The following PLCB1 variants were observed in gnomAD, a reference collection of about 807,000 sequenced individuals.
PLCB1 encodes 1-phosphatidylinositol 4,5-bisphosphate phosphodiesterase beta-1.
In PLCB1, 46 loss-of-function variants were observed where a neutral mutation model predicts 161.8. The observed-to-expected ratio is 0.28, with a 90% CI of 0.22 to 0.36. PLCB1 has a LOEUF of 0.36. Ranked by LOEUF, PLCB1 falls within the 10% of genes least tolerant of loss-of-function variation. The pLI is 1.00. For synonymous variants in PLCB1, 517 were observed against 503.7 expected (o/e 1.03, Z -0.35); for missense variants, 1,016 against 1,472.5 (o/e 0.69, Z 5.07).
chr20:8,732,905 A>G (rs955604342), intron 18 of PLCB1, among the ~76,000 whole-genome samples: 1 of 147,704 alleles, frequency 6.8e-6, no homozygotes, highest in African/African-American at 2.5e-5. Flanking sequence ...TATTATACAA[A>G]TATATTATTC....
At chr20:8,514,445 C>CA (rs752609524) in intron 3 of PLCB1, among the ~76,000 whole-genome samples, 10,622 of 78,032 alleles carry the variant, frequency 0.14, 542 homozygotes, top group Non-Finnish European at 0.17. Flanking sequence ...ACTCCATCTC[C>CA]AAAAAAAAAA....
intron 3 of PLCB1, among the ~76,000 whole-genome samples, chr20:8,375,745 C>G (rs997239233): frequency 6.6e-6 from 1 of 152,046 alleles, no homozygotes; most frequent in African/African-American, 2.4e-5. Flanking sequence ...CTGCTGGCAT[C>G]TCTACTTCCT....
intron 31 of PLCB1, among the ~76,000 whole-genome samples, chr20:8,831,902 CTCTTTCTTTCTCTTTCTTTCTT>C (rs1383509995): frequency 0.03 from 3,598 of 118,610 alleles, 304 homozygotes; most frequent in Admixed American, 0.088. Flanking sequence ...CTTTCTCCCT[CTCTTTCTTTCTCTTTCTTTCTT>C]TCTTTCTTTC....
At chr20:8,710,528 T>C (rs1310201840) in intron 12 of PLCB1, among the ~76,000 whole-genome samples, 2 of 141,108 alleles carry the variant, frequency 1.4e-5, no homozygotes, top group South Asian at 2.3e-4. Context: ...TTTTTTTTTT[T>C]TCTGAAGCGG....
chr20:8,724,146 C>T (rs1979801642), intron 15 of PLCB1, among the ~76,000 whole-genome samples: 1 of 139,750 alleles, frequency 7.2e-6, no homozygotes, highest in South Asian at 2.4e-4. Flanking sequence ...ATAATCTGCA[C>T]AACAAACCCC....
chr20:8,352,390 G>T (rs981313518), intron 2 of PLCB1, among the ~76,000 whole-genome samples: 1 of 151,988 alleles, frequency 6.6e-6, no homozygotes, highest in Non-Finnish European at 1.5e-5. Context: ...CTTTTGTATG[G>T]TGCTGTAATG....
Position 8,681,119 on chromosome 20 carries a change from T to TATATATATATATATATAA in PLCB1, c.863-3812_863-3811insTATATATATATATATAAA, listed in dbSNP as rs1485697576. Among the ~76,000 whole-genome samples the TATATATATATATATATAA allele has an allele frequency of 9.6e-3, 782 of 81,418 alleles. 9 individuals are homozygous for TATATATATATATATATAA. The highest frequency in any genetic ancestry group is 0.012 in the Middle Eastern group (2 of 170). The allele number at this position is 81,418 out of a possible 152,430, so 53.4% of individuals were successfully genotyped here. Reference sequence around the variant, plus strand: ...ATATATATATATATATATATATATATAATATATATAAAATCAGTGTCTCAT... The same window carrying TATATATATATATATATAA: ...ATATATATATATATATATATATATATATATATATATATATATAAAATATATATAAAATCAGTGTCTCAT... On this transcript the variant is annotated intron_variant, in intron 9 of 31. Coordinates refer to ENST00000338037, the MANE Select transcript of PLCB1 (RefSeq NM_015192.4).
intron 10 of PLCB1, among the ~76,000 whole-genome samples, chr20:8,690,396 T>C (rs1990449763): frequency 6.6e-6 from 1 of 152,060 alleles, no homozygotes; most frequent in African/African-American, 2.4e-5. Flanking sequence ...TTTTCAAGGA[T>C]AGTTAGGCAG....
chr20:8,435,234 T>C (rs1187042732), intron 3 of PLCB1, among the ~76,000 whole-genome samples: 2 of 152,042 alleles, frequency 1.3e-5, no homozygotes, highest in Non-Finnish European at 2.9e-5. Flanking sequence ...GACTATGGAG[T>C]GTAGATGTGG....
chr20:8,190,502 C>A (rs2051957260), intron 2 of PLCB1, among the ~76,000 whole-genome samples: 1 of 152,032 alleles, frequency 6.6e-6, no homozygotes, highest in Admixed American at 6.6e-5. Flanking sequence ...CCACATGTAG[C>A]TCTGTGTTTA....
chr20:8,349,449 T>C (rs1986108989), intron 2 of PLCB1, among the ~76,000 whole-genome samples: 1 of 152,196 alleles, frequency 6.6e-6, no homozygotes, highest in Non-Finnish European at 1.5e-5. Context: ...CAGGTAGTGT[T>C]TTCAGGAAAA....
At chr20:8,815,839 G>C (rs1294196214) in intron 31 of PLCB1, among the ~76,000 whole-genome samples, 2 of 152,174 alleles carry the variant, frequency 1.3e-5, no homozygotes, top group Non-Finnish European at 2.9e-5. Flanking sequence ...AAAATCAATA[G>C]TTTTCCTCTA....
intron 3 of PLCB1, among the ~76,000 whole-genome samples, chr20:8,392,210 A>T (rs1987631203): frequency 6.6e-6 from 1 of 152,054 alleles, no homozygotes; most frequent in Admixed American, 6.6e-5. Flanking sequence ...CTTATAAAAG[A>T]GATTTCACTC....
At chr20:8,401,389 C>T (rs931216687) in intron 3 of PLCB1, among the ~76,000 whole-genome samples, 3 of 152,132 alleles carry the variant, frequency 2.0e-5, no homozygotes, top group African/African-American at 7.2e-5. Flanking sequence ...AAACAGAGCA[C>T]CGCTTGGAAT....
chr20:8,357,566 A>T (rs1483924989), intron 2 of PLCB1, among the ~76,000 whole-genome samples: 2 of 152,188 alleles, frequency 1.3e-5, no homozygotes, highest in East Asian at 1.9e-4. Context: ...CTGTAATCCC[A>T]GCACTCTGGG....
At chr20:8,628,216 C>A in intron 3 of PLCB1, 78 bp from the exon 4 acceptor site, 1 of 1,130,678 alleles carries the variant, frequency 8.8e-7, no homozygotes, top group Non-Finnish European at 1.3e-6. Flanking sequence ...ATCATTCTAA[C>A]TCAACAGAAG....
intron 26 of PLCB1, among the ~76,000 whole-genome samples, chr20:8,769,732 C>A (rs1982570163): frequency 6.6e-6 from 1 of 151,876 alleles, no homozygotes; most frequent in African/African-American, 2.4e-5. Flanking sequence ...TATTAATTAC[C>A]CTGAAACTAT....
intron 2 of PLCB1, among the ~76,000 whole-genome samples, chr20:8,363,302 CT>C (rs1986603235): frequency 6.6e-6 from 1 of 152,116 alleles, no homozygotes; most frequent in South Asian, 2.1e-4. Context: ...ATCAAGATGT[CT>C]CCTGGGCTGT....
At chr20:8,453,070 T>A (rs1981144753) in intron 3 of PLCB1, among the ~76,000 whole-genome samples, 1 of 152,240 alleles carries the variant, frequency 6.6e-6, no homozygotes, top group African/African-American at 2.4e-5. Flanking sequence ...TCTCCTTATC[T>A]ACTTCTTTGT....
Sources: gnomAD v4.1 joint callset for allele counts (sites outside exome capture counted in the v4.1 genomes callset) on GRCh38, gnomAD v4.1.1 for gene constraint, MANE v1.5 for transcripts, NCBI Gene and HGNC (gene_info 2026-07-23, HGNC 2026-07-21) for gene names.